Variants in CDK1 observed in about 807,000 individuals in gnomAD.
The protein encoded by CDK1 is cyclin dependent kinase 1, also known as cyclin-dependent kinase 1.
A neutral mutation model predicts 34.6 loss-of-function variants in CDK1; 5 were observed. That is an observed-to-expected ratio of 0.14 (90% CI 0.08 to 0.30). The LOEUF (loss-of-function observed/expected upper bound fraction) is 0.30, where lower values mean the gene tolerates loss of function less well. CDK1 is among the 10% of genes least tolerant of loss of function. The probability of loss-of-function intolerance (pLI) is 1.00; values close to 1 mark genes in which losing one functional copy is unlikely to be tolerated. For missense variants in CDK1, 157 were observed against 345.7 expected, an observed-to-expected ratio of 0.45 and a Z score of 4.33; for synonymous variants, 108 against 114.7, an observed-to-expected ratio of 0.94 and a Z score of 0.37.
chr10:60,779,123 A>G (rs1381532874), intron 1 of CDK1, among the ~76,000 whole-genome samples: 1 of 150,624 alleles, frequency 6.6e-6, no homozygotes, highest in Admixed American at 6.6e-5. Context: ...GGAGCTGTTA[A>G]GAACAGTCAG....
intron 5 of CDK1, among the ~76,000 whole-genome samples, chr10:60,790,758 T>C (rs1172796830): frequency 6.6e-6 from 1 of 152,216 alleles, no homozygotes. Context: ...TATCCAGTTT[T>C]TCCAGCACCA....
chr10:60,781,341 T>A (rs901074821), intron 2 of CDK1, among the ~76,000 whole-genome samples: 1 of 152,204 alleles, frequency 6.6e-6, no homozygotes, highest in African/African-American at 2.4e-5. Flanking sequence ...TAAAAGAATG[T>A]AATTTTAAAT....
At position 60,788,210 on chromosome 10, in the gene CDK1, A is replaced by G. The variant is rs748844693; in HGVS notation, c.469A>G (p.Ile157Val). The change falls in exon 5 of 8, where the codon ATC (isoleucine) becomes GTC (valine). Residue 157 changes from isoleucine to valine, a missense_variant. By Grantham distance (29) the Ile-to-Val change is conservative. This residue lies in a region of CDK1 where 102 missense variants were observed against 233.6 expected (regional missense o/e 0.44). Coordinates refer to ENST00000395284, the MANE Select transcript of CDK1 (RefSeq NM_001786.5). The stretch of plus-strand genomic sequence containing the variant: ...CCTTGCCAGAGCTTTTGGAATACCT[A>G]TCAGAGTATATACACATGAGGCAAG... ...FGLARAFGIP[I>V]RVYTHEVVTL... 14 of 1,610,524 alleles carry G rather than the reference A, an allele frequency of 8.7e-6. No homozygotes were observed. The Admixed American group carries it at 1.5e-4, about 17-fold the overall frequency.
At position 60,793,426 on chromosome 10, in the gene CDK1, T is replaced by C. The variant is rs547852681; in HGVS notation, c.796-451T>C. Among the ~76,000 whole-genome samples the C allele has an allele frequency of 3.3e-5, 5 of 152,114 alleles. No homozygotes were observed. In the South Asian group the frequency reaches 1.0e-3, roughly 31 times the overall value. ...ATTCATTTAGTGACTCATTTTTAGC[T>C]ATTTTTATAACACATTGTGCTATGG... On this transcript the variant is annotated intron_variant, in intron 7 of 7. Transcript: ENST00000395284.
chr10:60,786,993 T>A, intron 4 of CDK1: 1 of 977,818 alleles, frequency 1.0e-6, no homozygotes, highest in Non-Finnish European at 1.2e-6. Context: ...CCACACATAC[T>A]TTTTTTGTCT....
chr10:60,784,935 T>C, intron 3 of CDK1, 74 bp downstream of exon 3: 3 of 1,396,774 alleles, frequency 2.1e-6, no homozygotes, highest in Non-Finnish European at 3.0e-6. Context: ...TGGAAATCTT[T>C]ACATTTGCTC....
In CDK1 at chr10:60,793,869, T is replaced by G; in HGVS notation, c.796-8T>G. 6.9e-7 allele frequency: 1 copy of G among 1,454,454 alleles called. No homozygotes were observed. Among genetic ancestry groups the G allele is most frequent in the Non-Finnish European group, 9.4e-7 (1 of 1,060,658 alleles). 90.1% of individuals were successfully genotyped at this position (1,454,454 alleles called of 1,614,324 possible). A position where few individuals can be genotyped will look rare whatever the true frequency, so the allele number is the denominator to read the frequency against. ...TAAATAAATATCTCTTTTTCTTTTT[T>G]CTCCCAGAAAATGTTAATCTATGAT... On this transcript the variant is annotated splice_region_variant and splice_polypyrimidine_tract_variant and intron_variant, in intron 7 of 7. Transcript: ENST00000395284.
intron 2 of CDK1, among the ~76,000 whole-genome samples, chr10:60,784,391 G>T (rs2132066219): frequency 6.6e-6 from 1 of 152,220 alleles, no homozygotes; most frequent in Non-Finnish European, 1.5e-5. Context: ...GCATTTTGGG[G>T]CGGCGAGGCA....
At chr10:60,783,570 GC>G (rs1564666608) in intron 2 of CDK1, 1 of 152,088 alleles carries the variant, frequency 6.6e-6, no homozygotes, top group Non-Finnish European at 1.5e-5. Context: ...TTAAACCAAT[GC>G]CATGGAAAGC....
chr10:60,789,664 C>T (rs2939950), intron 5 of CDK1, among the ~76,000 whole-genome samples: 114,277 of 152,120 alleles, frequency 0.75, 43,147 homozygotes, highest in East Asian at 0.84. Flanking sequence ...GGAAACAGGT[C>T]GATTCTGTAT....
At chr10:60,780,649 T>C (rs2080265129) in intron 2 of CDK1, among the ~76,000 whole-genome samples, 2 of 152,228 alleles carry the variant, frequency 1.3e-5, no homozygotes, top group Admixed American at 1.3e-4. Flanking sequence ...CTAATTTAAA[T>C]AAAATTTCTA....
upstream of CDK1, chr10:60,778,369 G>A (rs1470749309): frequency 6.6e-6 from 1 of 152,278 alleles, no homozygotes; most frequent in Non-Finnish European, 1.5e-5. Context: ...CTAGCCACCC[G>A]GGAAGGCCTG....
chr10:60,788,257 C>CT (rs756067502), intron 5 of CDK1, 27 bp downstream of exon 5: 1 of 1,439,880 alleles, frequency 6.9e-7, no homozygotes, highest in South Asian at 1.5e-5. Context: ...TTTTTGATGG[C>CT]TTTTGAATGT....
At chr10:60,787,960 T>G in intron 4 of CDK1, 100 bp from the exon 5 acceptor site, 1 of 636,290 alleles carries the variant, frequency 1.6e-6, no homozygotes, top group East Asian at 2.7e-5. Flanking sequence ...CTCTAGTAAT[T>G]AAATTATTTC....
In CDK1 at chr10:60,794,081, C is replaced by A; in HGVS notation, c.*106C>A. 1 of 593,644 alleles carries A rather than the reference C, an allele frequency of 1.7e-6. No homozygotes were observed. Among genetic ancestry groups the A allele is most frequent in the East Asian group, 3.2e-5 (1 of 31,704 alleles). 36.8% of individuals were successfully genotyped at this position (593,644 alleles called of 1,614,324 possible). ...TATATATTTCTTTGTTATCAAACTT[C>A]AGCTGTACTTCGTCTTCTAATTTCA... On this transcript the variant is annotated 3_prime_UTR_variant, in exon 8 of 8. Coordinates refer to ENST00000395284, the MANE Select transcript of CDK1 (RefSeq NM_001786.5).
chr10:60,782,534 C>T (rs1437923760), intron 2 of CDK1, among the ~76,000 whole-genome samples: 2 of 152,122 alleles, frequency 1.3e-5, no homozygotes, highest in African/African-American at 4.8e-5. Context: ...GATGGTGGAA[C>T]CTTGCCTGGC....
rs570017159 is a variant in CDK1, at chr10:60,780,077, C to A, written c.-25-64C>A. The A allele has an allele frequency of 7.0e-4, 546 of 784,268 alleles. 3 individuals are homozygous for A. The highest frequency in any genetic ancestry group is 2.2e-4 in the Non-Finnish European group (95 of 439,220). 48.6% of individuals were successfully genotyped at this position (784,268 alleles called of 1,614,324 possible). A position where few individuals can be genotyped will look rare whatever the true frequency, so the allele number is the denominator to read the frequency against. ...GGAAAATGCTTTACATATAGTGTTT[C>A]ATTAATGCTTAAAACTACTCGAGTT... On this transcript the variant is annotated intron_variant, in intron 1 of 7. Coordinates refer to ENST00000395284, the MANE Select transcript of CDK1 (RefSeq NM_001786.5).
intron 2 of CDK1, among the ~76,000 whole-genome samples, chr10:60,781,513 T>G (rs1412766554): frequency 6.6e-6 from 1 of 152,210 alleles, no homozygotes; most frequent in Non-Finnish European, 1.5e-5. Context: ...AACAATATTA[T>G]GGAAAGCATT....
intron 7 of CDK1, among the ~76,000 whole-genome samples, chr10:60,793,130 C>A (rs537265432): frequency 1.3e-5 from 2 of 152,180 alleles, no homozygotes; most frequent in East Asian, 3.9e-4. Flanking sequence ...GGGCAAGTTA[C>A]TTCCCTTCGA....
Sources: gnomAD v4.1 joint callset for allele counts (sites outside exome capture counted in the v4.1 genomes callset) on GRCh38, gnomAD v4.1.1 for gene constraint, gnomAD v4.1.1 regional missense constraint, MANE v1.5 for transcripts, NCBI Gene and HGNC (gene_info 2026-07-23, HGNC 2026-07-21) for gene names.